Variants in ZPBP observed in about 807,000 individuals in gnomAD.
The protein encoded by ZPBP is zona pellucida-binding protein 1.
ZPBP carries 26 observed loss-of-function variants against 44.8 expected under a neutral mutation model. That is an observed-to-expected ratio of 0.58 (90% CI 0.43 to 0.81). The LOEUF (loss-of-function observed/expected upper bound fraction) is 0.81. ZPBP is among the 30% of genes least tolerant of loss of function. The pLI is 0.00. For missense variants in ZPBP, 409 were observed against 434.0 expected, an observed-to-expected ratio of 0.94 and a Z score of 0.51; for synonymous variants, 174 against 153.2, an observed-to-expected ratio of 1.14 and a Z score of -1.00.
At chr7:50,070,444 G>A (rs779380758) in intron 3 of ZPBP, among the ~76,000 whole-genome samples, 21 of 152,210 alleles carry the variant, frequency 1.4e-4, no homozygotes, top group African/African-American at 3.6e-4. Flanking sequence ...GTGCCGGGAC[G>A]CAGGAGAGCC....
At chr7:49,903,876 G>T (rs976974373) in intron 1 of ZPBP, among the ~76,000 whole-genome samples, 24 of 152,164 alleles carry the variant, frequency 1.6e-4, no homozygotes, top group African/African-American at 5.6e-4. Flanking sequence ...CAAGAGGAAA[G>T]ACTGGCTGGT....
chr7:50,035,195 A>G (rs1461181590), intron 4 of ZPBP, among the ~76,000 whole-genome samples: 2 of 152,226 alleles, frequency 1.3e-5, no homozygotes, highest in Admixed American at 1.3e-4. Context: ...ATATTATGTA[A>G]GCAAGGCCCC....
intron 1 of ZPBP, among the ~76,000 whole-genome samples, chr7:49,911,794 G>A (rs1793454638): frequency 6.6e-6 from 1 of 151,732 alleles, no homozygotes; most frequent in African/African-American, 2.4e-5. Context: ...CTACTTGAAA[G>A]GCTGAGGCAG....
chr7:50,029,826 TTTG>T (rs984107396), intron 5 of ZPBP, among the ~76,000 whole-genome samples: 7 of 135,538 alleles, frequency 5.2e-5, no homozygotes, highest in South Asian at 2.4e-4. Flanking sequence ...GCTTTTGTTT[TTTG>T]TTGTTGTTGT....
At chr7:49,848,579 C>T (rs1419135510), downstream of ZPBP, among the ~76,000 whole-genome samples, 1 of 152,236 alleles carries the variant, frequency 6.6e-6, no homozygotes, top group Non-Finnish European at 1.5e-5. Flanking sequence ...CCCAGCTCCT[C>T]TCTAGCTGCT....
intron 4 of ZPBP, among the ~76,000 whole-genome samples, chr7:50,033,210 C>A (rs1799680220): frequency 6.6e-6 from 1 of 151,966 alleles, no homozygotes; most frequent in Admixed American, 6.6e-5. Context: ...GAGAAACTAA[C>A]CATAAATATT....
At chr7:49,934,468 T>C (rs1794559762), downstream of ZPBP, among the ~76,000 whole-genome samples, 1 of 151,780 alleles carries the variant, frequency 6.6e-6, no homozygotes, top group Non-Finnish European at 1.5e-5. Flanking sequence ...AACTCACACA[T>C]GATCCCATTA....
intron 3 of ZPBP, among the ~76,000 whole-genome samples, chr7:50,059,682 A>C (rs1193870140): frequency 6.6e-6 from 1 of 152,212 alleles, no homozygotes; most frequent in African/African-American, 2.4e-5. Context: ...ATTCCTTGGC[A>C]ATCATTTGAA....
At chr7:50,034,185 T>G (rs1379965657) in intron 4 of ZPBP, among the ~76,000 whole-genome samples, 1 of 137,104 alleles carries the variant, frequency 7.3e-6, no homozygotes, top group Non-Finnish European at 1.6e-5. Context: ...TTTTGAGGGT[T>G]TTTTTTTTTT....
intron 6 of ZPBP, among the ~76,000 whole-genome samples, chr7:49,995,065 A>C (rs1190122278): frequency 6.6e-6 from 1 of 152,192 alleles, no homozygotes; most frequent in African/African-American, 2.4e-5. Flanking sequence ...TAGAAATTTC[A>C]CTGAGGCAGA....
chr7:50,033,407 C>T (rs925282953), intron 4 of ZPBP, among the ~76,000 whole-genome samples: 5 of 152,072 alleles, frequency 3.3e-5, no homozygotes, highest in African/African-American at 1.2e-4. Flanking sequence ...GAAAAACTGC[C>T]CAAGTACCCT....
intron 1 of ZPBP, among the ~76,000 whole-genome samples, chr7:49,906,759 A>G (rs755394454): frequency 2.6e-5 from 4 of 152,164 alleles, no homozygotes; most frequent in African/African-American, 4.8e-5. Flanking sequence ...CTTCACCCCA[A>G]CTTTCTTATG....
intron 3 of ZPBP, among the ~76,000 whole-genome samples, chr7:50,065,897 T>C (rs1284081504): frequency 1.3e-5 from 2 of 151,116 alleles, no homozygotes; most frequent in South Asian, 2.1e-4. Flanking sequence ...GTGCTGTCTG[T>C]CCTGTAGACC....
intron 1 of ZPBP, among the ~76,000 whole-genome samples, chr7:50,090,645 A>ACG (rs1562622717): frequency 4.6e-4 from 68 of 149,280 alleles, no homozygotes; most frequent in South Asian, 3.8e-3. Flanking sequence ...ACACACACAC[A>ACG]TGCACACACA....
At chr7:49,963,686 T>A (rs918508458) in intron 7 of ZPBP, among the ~76,000 whole-genome samples, 2 of 151,828 alleles carry the variant, frequency 1.3e-5, no homozygotes, top group African/African-American at 4.8e-5. Context: ...TGTTTAAAAT[T>A]AAAATTACAT....
intron 3 of ZPBP, among the ~76,000 whole-genome samples, chr7:50,062,419 A>G: frequency 6.6e-6 from 1 of 152,226 alleles, no homozygotes; most frequent in Non-Finnish European, 1.5e-5. Context: ...ACCTGACTTC[A>G]AACTACACTA....
At chr7:50,002,003 G>A (rs1798121345) in intron 6 of ZPBP, among the ~76,000 whole-genome samples, 3 of 152,090 alleles carry the variant, frequency 2.0e-5, no homozygotes, top group African/African-American at 4.8e-5. Context: ...GGGACTACAA[G>A]CACACACACT....
At chr7:49,890,152 C>A (rs1420511429) in intron 2 of ZPBP, among the ~76,000 whole-genome samples, 1 of 152,132 alleles carries the variant, frequency 6.6e-6, no homozygotes, top group Non-Finnish European at 1.5e-5. Context: ...ACAGATGAAG[C>A]AGAGCTCTGT....
intron 1 of ZPBP, among the ~76,000 whole-genome samples, chr7:49,909,217 T>G (rs938343670): frequency 3.9e-5 from 6 of 152,218 alleles, no homozygotes; most frequent in African/African-American, 1.4e-4. Context: ...GATACAGGTC[T>G]TCTGGGCAGT....
Sources: gnomAD v4.1 joint callset for allele counts (sites outside exome capture counted in the v4.1 genomes callset) on GRCh38, gnomAD v4.1.1 for gene constraint, MANE v1.5 for transcripts, NCBI Gene and HGNC (gene_info 2026-07-23, HGNC 2026-07-21) for gene names.